The following MAGI2 variants were observed in gnomAD, a reference collection of about 807,000 sequenced individuals.
MAGI2 encodes the protein membrane-associated guanylate kinase, WW and PDZ domain-containing protein 2.
Under a neutral mutation model 133.3 loss-of-function variants are expected in MAGI2, and 35 were observed. That is an observed-to-expected ratio of 0.26 (90% CI 0.20 to 0.35). The LOEUF (loss-of-function observed/expected upper bound fraction) is 0.35. MAGI2 is among the 10% of genes least tolerant of loss of function. The pLI is 1.00. For missense variants in MAGI2, 1,636 were observed against 1,863.4 expected (o/e 0.88, Z 2.25); for synonymous variants, 729 against 710.6 (o/e 1.03, Z -0.41).
chr7:79,385,235 C>T (rs1447417386), intron 1 of MAGI2, among the ~76,000 whole-genome samples: 2 of 151,638 alleles, frequency 1.3e-5, no homozygotes, highest in African/African-American at 4.8e-5. Flanking sequence ...TGTGCAAGCT[C>T]GCATAAATGT....
Position 78,340,461 on chromosome 7 carries a change from C to T in MAGI2, c.1408+3317G>A, listed in dbSNP as rs542359612. Reference sequence around the variant, plus strand: ...ATCCTCCCTAACTCATTTTATGATGCCAGCATCATCCTGATACCAAAACCT... The same window carrying T: ...ATCCTCCCTAACTCATTTTATGATGTCAGCATCATCCTGATACCAAAACCT... On this transcript the variant is annotated intron_variant, in intron 9 of 21. Transcript: ENST00000354212. Among the ~76,000 whole-genome samples the T allele has an allele frequency of 1.1e-4, 16 of 152,254 alleles. No homozygotes were observed. In the South Asian group the frequency reaches 2.9e-3, roughly 28 times the overall value.
At chr7:78,643,419 G>C (rs1459162395) in intron 2 of MAGI2, among the ~76,000 whole-genome samples, 2 of 152,086 alleles carry the variant, frequency 1.3e-5, no homozygotes, top group African/African-American at 4.8e-5. Flanking sequence ...ATTAGGTAAG[G>C]CTCTAGTTTG....
At chr7:78,188,839 G>A (rs1827942222) in intron 12 of MAGI2, among the ~76,000 whole-genome samples, 2 of 152,126 alleles carry the variant, frequency 1.3e-5, no homozygotes, top group African/African-American at 4.8e-5. Context: ...GCTCAACTGG[G>A]TATTTAATTA....
At chr7:79,256,784 C>T (rs952472007) in intron 1 of MAGI2, among the ~76,000 whole-genome samples, 1 of 151,944 alleles carries the variant, frequency 6.6e-6, no homozygotes, top group Non-Finnish European at 1.5e-5. Flanking sequence ...AGCCACCACG[C>T]CCCGCAAAAA....
intron 1 of MAGI2, among the ~76,000 whole-genome samples, chr7:79,302,849 A>G (rs1270693275): frequency 6.6e-6 from 1 of 152,188 alleles, no homozygotes; most frequent in Non-Finnish European, 1.5e-5. Flanking sequence ...ACCACATTGC[A>G]ACTGAAGAAT....
chr7:78,574,220 T>C (rs1802035579), intron 3 of MAGI2, among the ~76,000 whole-genome samples: 1 of 152,162 alleles, frequency 6.6e-6, no homozygotes, highest in Non-Finnish European at 1.5e-5. Context: ...CAAGATCCTG[T>C]GAAAAGGTGA....
chr7:78,838,042 T>A (rs985973309), intron 2 of MAGI2, among the ~76,000 whole-genome samples: 1 of 152,130 alleles, frequency 6.6e-6, no homozygotes, highest in African/African-American at 2.4e-5. Flanking sequence ...AGATTGACTC[T>A]CCTCATGCAT....
chr7:78,674,640 G>A (rs1814791861), intron 2 of MAGI2, among the ~76,000 whole-genome samples: 1 of 152,108 alleles, frequency 6.6e-6, no homozygotes, highest in Non-Finnish European at 1.5e-5. Context: ...CTGGGAAGAT[G>A]AGTTACACCT....
At chr7:79,446,482 TA>T (rs1335620949) in intron 1 of MAGI2, among the ~76,000 whole-genome samples, 1 of 151,810 alleles carries the variant, frequency 6.6e-6, no homozygotes, top group Admixed American at 6.6e-5. Flanking sequence ...ATTTTTTTTT[TA>T]AAGTAAGCCA....
In MAGI2 at chr7:78,908,975, A is replaced by G. The variant is rs1218648046; in HGVS notation, c.418+98115T>C. Among the ~76,000 whole-genome samples the G allele has an allele frequency of 2.6e-5, 4 of 152,202 alleles. No individual in the cohort carries two copies. The East Asian group carries it at 7.7e-4, about 29-fold the overall frequency. On this transcript the variant is annotated intron_variant, in intron 2 of 21. Coordinates refer to ENST00000354212, the MANE Select transcript of MAGI2 (RefSeq NM_012301.4). ...ATAATTGACAAATGGGATCAAATTA[A>G]ACTAAAGAGTTTCTGCACAGCAAAA...
intron 1 of MAGI2, among the ~76,000 whole-genome samples, chr7:79,051,513 C>T (rs1193981349): frequency 6.6e-6 from 1 of 152,142 alleles, no homozygotes; most frequent in Non-Finnish European, 1.5e-5. Flanking sequence ...CATTTTTCAT[C>T]GTTTTGCAGC....
chr7:78,856,653 A>T (rs1227482073), intron 2 of MAGI2, among the ~76,000 whole-genome samples: 1 of 152,164 alleles, frequency 6.6e-6, no homozygotes, highest in Non-Finnish European at 1.5e-5. Flanking sequence ...TGGTTACTGT[A>T]GCCTTGTAGT....
intron 2 of MAGI2, among the ~76,000 whole-genome samples, chr7:78,696,261 A>C (rs996345307): frequency 6.6e-6 from 1 of 152,062 alleles, no homozygotes; most frequent in Non-Finnish European, 1.5e-5. Context: ...GATATGACAT[A>C]ATCACTCAAT....
At chr7:78,751,430 C>G (rs549469636) in intron 2 of MAGI2, among the ~76,000 whole-genome samples, 2 of 152,310 alleles carry the variant, frequency 1.3e-5, no homozygotes, top group African/African-American at 4.8e-5. Context: ...AGCAAAAGGA[C>G]GACAGAAGTC....
intron 3 of MAGI2, among the ~76,000 whole-genome samples, chr7:78,590,595 T>C (rs1040939575): frequency 3.9e-5 from 6 of 152,234 alleles, no homozygotes; most frequent in Non-Finnish European, 8.8e-5. Context: ...TTGCTTATCA[T>C]GGTTGGTTTT....
intron 2 of MAGI2, among the ~76,000 whole-genome samples, chr7:79,005,639 G>A (rs1807359184): frequency 6.6e-6 from 1 of 152,158 alleles, no homozygotes; most frequent in Non-Finnish European, 1.5e-5. Flanking sequence ...ATAATAAACA[G>A]CCTGGTTTCT....
intron 2 of MAGI2, among the ~76,000 whole-genome samples, chr7:78,835,445 T>A (rs1026962104): frequency 3.9e-5 from 6 of 152,182 alleles, no homozygotes; most frequent in African/African-American, 1.4e-4. Context: ...ATAAATTTGA[T>A]CTTATATATC....
intron 3 of MAGI2, among the ~76,000 whole-genome samples, chr7:78,549,309 T>C (rs538016838): frequency 2.6e-5 from 4 of 152,222 alleles, no homozygotes; most frequent in African/African-American, 7.2e-5. Flanking sequence ...GACAAGGCCA[T>C]TGTGTGACCA....
At chr7:79,120,540 T>C (rs1486097816) in intron 1 of MAGI2, among the ~76,000 whole-genome samples, 11 of 152,070 alleles carry the variant, frequency 7.2e-5, no homozygotes, top group African/African-American at 2.4e-5. Context: ...TGTGGTCTGA[T>C]TGGCAAATAT....
Sources: gnomAD v4.1 joint callset for allele counts (sites outside exome capture counted in the v4.1 genomes callset) on GRCh38, gnomAD v4.1.1 for gene constraint, MANE v1.5 for transcripts, NCBI Gene and HGNC (gene_info 2026-07-23, HGNC 2026-07-21) for gene names.